The following ST3GAL3 variants were observed in gnomAD, a reference collection of about 807,000 sequenced individuals.
The protein encoded by ST3GAL3 is CMP-N-acetylneuraminate-beta-1,4-galactoside alpha-2,3-sialyltransferase.
In ST3GAL3, 21 loss-of-function variants were observed where a neutral mutation model predicts 50.1. The observed-to-expected ratio is 0.42, with a 90% CI of 0.30 to 0.60. The LOEUF is 0.60. Among genes scored for constraint, ST3GAL3 ranks in the 20% least tolerant of loss-of-function variants. The pLI is 0.19. For missense variants in ST3GAL3, 353 were observed against 489.4 expected (o/e 0.72, Z 2.63); for synonymous variants, 183 against 190.0 (o/e 0.96, Z 0.30).
intron 2 of ST3GAL3, among the ~76,000 whole-genome samples, chr1:43,773,340 G>A (rs1696023098): frequency 6.6e-6 from 1 of 152,116 alleles, no homozygotes; most frequent in Non-Finnish European, 1.5e-5. Flanking sequence ...TCTCAGTGTT[G>A]TCTTACTGAG....
Position 43,760,279 on chromosome 1 carries a change from T to C in ST3GAL3, c.118+23899T>C, listed in dbSNP as rs1689774463. Among the ~76,000 whole-genome samples, 3 of 152,238 alleles carry C rather than the reference T, an allele frequency of 2.0e-5. No individual in the cohort carries two copies. The South Asian group carries it at 6.2e-4, about 32-fold the overall frequency. On this transcript the variant is annotated intron_variant, in intron 2 of 11. Coordinates refer to ENST00000347631, the MANE Select transcript of ST3GAL3 (RefSeq NM_006279.5). ...AGAATTCTGAAAAACTTACATCTGCTGCCATAAGCCTGACATCTCAATATT... is the reference window on the plus strand; with the variant it reads ...AGAATTCTGAAAAACTTACATCTGCCGCCATAAGCCTGACATCTCAATATT...
intron 1 of ST3GAL3, chr1:43,719,013 C>G (rs1482683591): frequency 6.6e-6 from 1 of 152,204 alleles, no homozygotes; most frequent in South Asian, 2.1e-4. Context: ...AAGGGAGTAC[C>G]TGGCCAGTGA....
intron 4 of ST3GAL3, among the ~76,000 whole-genome samples, chr1:43,829,718 C>T (rs1032572636): frequency 1.3e-5 from 2 of 152,166 alleles, no homozygotes; most frequent in Admixed American, 6.5e-5. Flanking sequence ...TTGACAGTAC[C>T]TCCTCAAGAT....
At chr1:43,909,397 T>C (rs2080397031) in intron 9 of ST3GAL3, among the ~76,000 whole-genome samples, 1 of 152,238 alleles carries the variant, frequency 6.6e-6, no homozygotes, top group Admixed American at 6.5e-5. Context: ...TCATTCTCCT[T>C]GATAAAGAAA....
chr1:43,809,361 A>T (rs1573330040), intron 3 of ST3GAL3, among the ~76,000 whole-genome samples: 1 of 152,316 alleles, frequency 6.6e-6, no homozygotes, highest in East Asian at 1.9e-4. Context: ...CTGTAGAAGA[A>T]AAAAATAGTG....
At chr1:43,714,266 C>CAA (rs111607096) in intron 1 of ST3GAL3, among the ~76,000 whole-genome samples, 4 of 96,548 alleles carry the variant, frequency 4.1e-5, no homozygotes, top group African/African-American at 7.9e-5. Flanking sequence ...AACTCCATCT[C>CAA]AAAAAAAAAA....
intron 4 of ST3GAL3, among the ~76,000 whole-genome samples, chr1:43,821,260 G>C (rs3791067): frequency 0.53 from 79,852 of 151,872 alleles, 21,998 homozygotes; most frequent in African/African-American, 0.69. Context: ...TTGGTTGTTT[G>C]TTTTTTTATA....
chr1:43,722,279 A>G (rs1670866655), intron 1 of ST3GAL3, among the ~76,000 whole-genome samples: 1 of 152,002 alleles, frequency 6.6e-6, no homozygotes. Flanking sequence ...GCGGTGGGTC[A>G]GAAGGGCTTC....
rs1227658749 is a variant in ST3GAL3, at chr1:43,857,582, CCCTCCCTTCCTT to C, written c.302+19275_302+19286del. ...TTCCTTCCTTCTTTCTTTCCTTCCT[CCCTCCCTTCCTT>C]CCTTCCTTCCTTCCTTCCTTCCTTC... On this transcript the variant is annotated intron_variant, in intron 5 of 11. Transcript: ENST00000347631. 1.4e-3 allele frequency among the ~76,000 whole-genome samples: 134 copies of C among 93,844 alleles called. 3 individuals carry two copies. The highest frequency in any genetic ancestry group is 5.4e-3 in the African/African-American group (121 of 22,446). 61.6% of individuals were successfully genotyped at this position (93,844 alleles called of 152,430 possible).
At chr1:43,733,311 G>T (rs1460077146) in intron 1 of ST3GAL3, among the ~76,000 whole-genome samples, 2 of 152,140 alleles carry the variant, frequency 1.3e-5, no homozygotes, top group Non-Finnish European at 2.9e-5. Context: ...TAATTCAGAA[G>T]TGTACAAAGG....
intron 1 of ST3GAL3, among the ~76,000 whole-genome samples, chr1:43,719,725 G>C (rs1669393279): frequency 1.3e-5 from 1 of 74,202 alleles, no homozygotes; most frequent in Admixed American, 1.3e-4. Context: ...TTGAGGTCAG[G>C]AGTTGGAGAC....
intron 2 of ST3GAL3, among the ~76,000 whole-genome samples, chr1:43,756,552 A>ACAG (rs1465610172): frequency 1.3e-5 from 2 of 151,694 alleles, no homozygotes; most frequent in Admixed American, 6.6e-5. Flanking sequence ...TTGTATACAC[A>ACAG]CACACACACA....
chr1:43,878,840 A>T (rs1411490261), intron 5 of ST3GAL3, among the ~76,000 whole-genome samples: 4 of 152,210 alleles, frequency 2.6e-5, no homozygotes, highest in Non-Finnish European at 4.4e-5. Context: ...GATCTCACTT[A>T]CCAAATATTT....
chr1:43,759,483 G>A (rs1450609067), intron 2 of ST3GAL3, among the ~76,000 whole-genome samples: 1 of 152,086 alleles, frequency 6.6e-6, no homozygotes, highest in Non-Finnish European at 1.5e-5. Context: ...TGAGGGAAGA[G>A]TCCAGCACTT....
At chr1:43,817,915 G>A (rs2061621219) in intron 4 of ST3GAL3, among the ~76,000 whole-genome samples, 1 of 141,202 alleles carries the variant, frequency 7.1e-6, no homozygotes, top group African/African-American at 2.6e-5. Context: ...TTCTTCTTTT[G>A]GTACAGACAG....
At position 43,898,223 on chromosome 1, in the gene ST3GAL3, C is replaced by T. The variant is rs749277110; in HGVS notation, c.398-12C>T. 1.9e-6 allele frequency: 3 copies of T among 1,613,776 alleles called. No individual in the cohort carries two copies. The highest frequency in any genetic ancestry group is 1.1e-5 in the South Asian group (1 of 91,082). On this transcript the variant is annotated splice_polypyrimidine_tract_variant and intron_variant, in intron 6 of 11. Transcript: ENST00000347631. ...TGACCCTGTAACAGAAACCTCTCTC[C>T]TCTGTCTGCAGACAATCTGATCAAA...
intron 1 of ST3GAL3, among the ~76,000 whole-genome samples, chr1:43,725,932 A>G (rs1021521191): frequency 1.3e-5 from 2 of 152,226 alleles, no homozygotes; most frequent in Non-Finnish European, 2.9e-5. Flanking sequence ...GGCGTGAGCC[A>G]TCGCACCCAG....
intron 4 of ST3GAL3, among the ~76,000 whole-genome samples, chr1:43,817,436 T>G (rs1402653434): frequency 8.3e-6 from 1 of 119,912 alleles, no homozygotes; most frequent in Non-Finnish European, 1.8e-5. Context: ...CTTCTCCTTC[T>G]TCCTTCTCCT....
At chr1:43,788,808 A>T (rs1033054922) in intron 2 of ST3GAL3, among the ~76,000 whole-genome samples, 1 of 152,192 alleles carries the variant, frequency 6.6e-6, no homozygotes, top group Non-Finnish European at 1.5e-5. Context: ...GCAAACAAGG[A>T]TTATAGTGCA....
Sources: gnomAD v4.1 joint callset for allele counts (sites outside exome capture counted in the v4.1 genomes callset) on GRCh38, gnomAD v4.1.1 for gene constraint, MANE v1.5 for transcripts, NCBI Gene and HGNC (gene_info 2026-07-23, HGNC 2026-07-21) for gene names.